Variants in ITGA9 observed in about 807,000 individuals in gnomAD.
ITGA9 encodes the protein integrin subunit alpha 9.
In ITGA9, 56 loss-of-function variants were observed where a neutral mutation model predicts 127.8. That is an observed-to-expected ratio of 0.44 (90% CI 0.35 to 0.55). The LOEUF is 0.55. ITGA9 is among the 20% of genes least tolerant of loss of function. The pLI, the probability that ITGA9 is intolerant of heterozygous loss-of-function variation, is 0.00. For missense variants in ITGA9, 1,196 were observed against 1,347.1 expected (o/e 0.89, Z 1.76); for synonymous variants, 508 against 514.5 (o/e 0.99, Z 0.17).
chr3:37,764,877 T>A (rs1222750171), intron 23 of ITGA9, among the ~76,000 whole-genome samples: 1 of 152,250 alleles, frequency 6.6e-6, no homozygotes, highest in Non-Finnish European at 1.5e-5. Context: ...CAGAGTTCAC[T>A]TTCTCAATAA....
chr3:37,800,229 C>T (rs1697221844), intron 26 of ITGA9, among the ~76,000 whole-genome samples: 1 of 152,210 alleles, frequency 6.6e-6, no homozygotes, highest in Admixed American at 6.5e-5. Context: ...CCCTAAGAAG[C>T]CATCTGGGTT....
intron 15 of ITGA9, among the ~76,000 whole-genome samples, chr3:37,601,615 T>C (rs2125620915): frequency 6.6e-6 from 1 of 152,332 alleles, no homozygotes; most frequent in South Asian, 2.1e-4. Flanking sequence ...AGAATATTGA[T>C]AATTTTCAGA....
intron 15 of ITGA9, among the ~76,000 whole-genome samples, chr3:37,585,214 T>C (rs952291834): frequency 7.2e-5 from 11 of 152,186 alleles, no homozygotes; most frequent in Non-Finnish European, 1.5e-4. Flanking sequence ...GTGAATTCTT[T>C]TTGTCTCCCT....
intron 15 of ITGA9, among the ~76,000 whole-genome samples, chr3:37,552,386 T>TG (rs1699386694): frequency 7.1e-6 from 1 of 141,558 alleles, no homozygotes; most frequent in Admixed American, 6.7e-5. Context: ...ATTATTTATT[T>TG]CTTATTTTAT....
intron 22 of ITGA9, 82 bp downstream of exon 22, chr3:37,744,116 T>A (rs903661846): frequency 1.1e-6 from 1 of 947,164 alleles, no homozygotes; most frequent in Non-Finnish European, 1.7e-6. Context: ...AGGGCTAAGC[T>A]CTTGTCAGGA....
intron 15 of ITGA9, among the ~76,000 whole-genome samples, chr3:37,576,826 C>T (rs1056301058): frequency 2.6e-5 from 4 of 152,304 alleles, no homozygotes; most frequent in African/African-American, 7.2e-5. Flanking sequence ...AGGCTGGTGT[C>T]GAACTCAAGT....
chr3:37,698,446 C>A (rs35244863), intron 18 of ITGA9, among the ~76,000 whole-genome samples: 3,825 of 152,244 alleles, frequency 0.025, 105 homozygotes, highest in Middle Eastern at 0.078. Context: ...CCTAGGTTTT[C>A]TTCTAGGGTT....
chr3:37,466,298 T>C, intron 1 of ITGA9, among the ~76,000 whole-genome samples: 1 of 151,626 alleles, frequency 6.6e-6, no homozygotes, highest in African/African-American at 2.4e-5. Flanking sequence ...GCCTTACCAA[T>C]ATGGTGAAAC....
chr3:37,658,686 T>G (rs979211033), intron 17 of ITGA9, among the ~76,000 whole-genome samples: 1 of 152,198 alleles, frequency 6.6e-6, no homozygotes, highest in Non-Finnish European at 1.5e-5. Context: ...CCCATTTACA[T>G]TTAAGGTTAA....
chr3:37,510,062 C>CATTGTTCTTGGTTCACTGT (rs1481016697), intron 8 of ITGA9, among the ~76,000 whole-genome samples: 3 of 142,354 alleles, frequency 2.1e-5, no homozygotes, highest in African/African-American at 7.8e-5. Context: ...CTCACTATGG[C>CATTGTTCTTGGTTCACTGT]ATGATCTTGG....
intron 17 of ITGA9, among the ~76,000 whole-genome samples, chr3:37,676,092 A>G (rs1162451291): frequency 1.3e-5 from 2 of 152,176 alleles, no homozygotes; most frequent in South Asian, 4.1e-4. Flanking sequence ...CTGGACGTCT[A>G]CTTCACAAGC....
At chr3:37,757,185 G>GA (rs1011973391) in intron 23 of ITGA9, among the ~76,000 whole-genome samples, 3 of 151,632 alleles carry the variant, frequency 2.0e-5, no homozygotes, top group African/African-American at 7.3e-5. Context: ...TCCTGAAATA[G>GA]AAAAAATAAT....
chr3:37,536,417 C>G (rs1575141929), intron 14 of ITGA9, among the ~76,000 whole-genome samples: 1 of 152,244 alleles, frequency 6.6e-6, no homozygotes, highest in East Asian at 1.9e-4. Flanking sequence ...ACACAGATAC[C>G]TGTGGTGGGC....
At chr3:37,695,464 A>G (rs894582827) in intron 18 of ITGA9, among the ~76,000 whole-genome samples, 5 of 152,246 alleles carry the variant, frequency 3.3e-5, no homozygotes, top group Non-Finnish European at 7.3e-5. Flanking sequence ...ATTCTGTGTC[A>G]GTTGCACATG....
chr3:37,473,576 G>T, intron 3 of ITGA9, 116 bp downstream of exon 3: 1 of 657,792 alleles, frequency 1.5e-6, no homozygotes, highest in South Asian at 1.9e-5. Context: ...GCTTATTCTG[G>T]ACTACTGCTT....
intron 1 of ITGA9, among the ~76,000 whole-genome samples, chr3:37,461,463 A>G (rs1263627225): frequency 6.6e-6 from 1 of 152,244 alleles, no homozygotes; most frequent in Non-Finnish European, 1.5e-5. Context: ...CCAGAGCACA[A>G]CACGGCACAC....
chr3:37,777,287 A>C, intron 23 of ITGA9, 105 bp from the exon 24 acceptor site: 1 of 1,282,412 alleles, frequency 7.8e-7, no homozygotes, highest in Non-Finnish European at 1.1e-6. Context: ...ACAAGGAGGA[A>C]AGGTGAATTG....
At chr3:37,612,646 A>G (rs59128220) in intron 15 of ITGA9, among the ~76,000 whole-genome samples, 6,057 of 152,318 alleles carry the variant, frequency 0.04, 399 homozygotes, top group African/African-American at 0.14. Context: ...ATTCTCTTCG[A>G]GGTTAAGAAC....
At chr3:37,594,126 C>T (rs940532695) in intron 15 of ITGA9, among the ~76,000 whole-genome samples, 4 of 152,214 alleles carry the variant, frequency 2.6e-5, no homozygotes, top group African/African-American at 9.6e-5. Context: ...GATCGGAGTT[C>T]CAGGGCCATC....
Sources: gnomAD v4.1 joint callset for allele counts (sites outside exome capture counted in the v4.1 genomes callset) on GRCh38, gnomAD v4.1.1 for gene constraint, MANE v1.5 for transcripts, NCBI Gene and HGNC (gene_info 2026-07-23, HGNC 2026-07-21) for gene names.